The following DOCK1 variants were observed in gnomAD, a reference collection of about 807,000 sequenced individuals.
DOCK1 encodes the protein dedicator of cytokinesis protein 1.
In DOCK1, 138 loss-of-function variants were observed where a neutral mutation model predicts 262.7. That is an observed-to-expected ratio of 0.53 (90% confidence interval 0.46 to 0.61). The LOEUF is 0.61. Ranked by LOEUF, DOCK1 falls within the 20% of genes least tolerant of loss-of-function variation. The pLI, the probability that DOCK1 is intolerant of heterozygous loss-of-function variation, is 0.00. For missense variants in DOCK1, 1,908 were observed against 2,370.7 expected (o/e 0.80, Z 4.05); for synonymous variants, 866 against 867.4 (o/e 1.00, Z 0.03).
At chr10:127,355,632 C>G (rs933226573) in intron 32 of DOCK1, among the ~76,000 whole-genome samples, 22 of 152,370 alleles carry the variant, frequency 1.4e-4, no homozygotes, top group Non-Finnish European at 2.9e-5. Flanking sequence ...CCACTCTCCC[C>G]TCTACCTCAG....
At chr10:126,990,403 C>T (rs1308980290) in intron 5 of DOCK1, 52 bp from the exon 6 acceptor site, 2 of 1,540,568 alleles carry the variant, frequency 1.3e-6, no homozygotes, top group Middle Eastern at 1.7e-4. Flanking sequence ...CTACCATCTC[C>T]ACAATGCTGT....
intron 38 of DOCK1, among the ~76,000 whole-genome samples, chr10:127,395,363 G>A (rs7911147): frequency 0.25 from 37,864 of 151,964 alleles, 5,451 homozygotes; most frequent in Middle Eastern, 0.34. Flanking sequence ...GCTCTTCCGG[G>A]CCTCTGTTTT....
chr10:127,272,407 G>T (rs2060601004), intron 29 of DOCK1, among the ~76,000 whole-genome samples: 2 of 152,138 alleles, frequency 1.3e-5, no homozygotes, highest in South Asian at 4.1e-4. Context: ...CCATGTCATG[G>T]ACACACAGAG....
intron 32 of DOCK1, among the ~76,000 whole-genome samples, chr10:127,361,280 A>ATTTTTT (rs60174093): frequency 6.6e-6 from 1 of 151,408 alleles, no homozygotes; most frequent in African/African-American, 2.4e-5. Flanking sequence ...CGCCCAGCTG[A>ATTTTTT]TTTTTTTGTA....
chr10:127,222,306 C>T (rs957273727), intron 27 of DOCK1, among the ~76,000 whole-genome samples: 2 of 152,178 alleles, frequency 1.3e-5, no homozygotes, highest in African/African-American at 4.8e-5. Flanking sequence ...CCTACTAAAT[C>T]ACCTTTTCTT....
intron 27 of DOCK1, among the ~76,000 whole-genome samples, chr10:127,144,794 A>G (rs1331157353): frequency 6.6e-6 from 1 of 152,158 alleles, no homozygotes; most frequent in Non-Finnish European, 1.5e-5. Flanking sequence ...TTCCTTTACC[A>G]CTATTTTACA....
chr10:127,266,618 G>A (rs2060367785), intron 29 of DOCK1, among the ~76,000 whole-genome samples: 1 of 152,064 alleles, frequency 6.6e-6, no homozygotes, highest in African/African-American at 2.4e-5. Flanking sequence ...TGCCTCCTCT[G>A]GCATTAAGTG....
At chr10:127,122,833 T>C (rs1780112) in intron 25 of DOCK1, among the ~76,000 whole-genome samples, 124,829 of 151,980 alleles carry the variant, frequency 0.82, 51,968 homozygotes, top group East Asian at 0.94. Flanking sequence ...GATAGCATCC[T>C]CCAGCCAAAG....
intron 24 of DOCK1, among the ~76,000 whole-genome samples, chr10:127,108,086 T>G (rs544254828): frequency 6.6e-6 from 1 of 152,340 alleles, no homozygotes; most frequent in East Asian, 1.9e-4. Context: ...TGTGCATCCC[T>G]GTGTTCCTCC....
At chr10:127,374,906 T>C (rs1213939678) in intron 35 of DOCK1, among the ~76,000 whole-genome samples, 1 of 152,220 alleles carries the variant, frequency 6.6e-6, no homozygotes, top group Non-Finnish European at 1.5e-5. Context: ...CACACCTTGA[T>C]TTCAGATTCT....
intron 27 of DOCK1, among the ~76,000 whole-genome samples, chr10:127,141,045 T>A (rs2051192934): frequency 6.6e-6 from 1 of 152,164 alleles, no homozygotes; most frequent in Admixed American, 6.5e-5. Flanking sequence ...CTTTGTCCGG[T>A]GCTGCCAGCT....
chr10:127,128,563 C>T (rs1400363184), intron 27 of DOCK1, among the ~76,000 whole-genome samples: 1 of 151,968 alleles, frequency 6.6e-6, no homozygotes. Flanking sequence ...CCAGCAGGCC[C>T]CGGTGTGTGT....
chr10:126,946,819 A>G (rs2035447252), intron 1 of DOCK1, among the ~76,000 whole-genome samples: 1 of 152,160 alleles, frequency 6.6e-6, no homozygotes, highest in South Asian at 2.1e-4. Flanking sequence ...CTCTTGATGG[A>G]CACTTGTGAC....
In DOCK1 at chr10:127,024,786, A is replaced by C; in HGVS notation, c.1551+3A>C. On this transcript the variant is annotated splice_donor_region_variant and intron_variant, in intron 15 of 51. Coordinates refer to ENST00000623213, the MANE Select transcript of DOCK1 (RefSeq NM_001290223.2). ...CACGCTGGTTTGAGACTGTTAAGGTATTATTTACATGGTCATTTTATCACA... is the reference window on the plus strand; with the variant it reads ...CACGCTGGTTTGAGACTGTTAAGGTCTTATTTACATGGTCATTTTATCACA... The C allele has an allele frequency of 6.3e-7, 1 of 1,595,342 alleles. No individual in the cohort carries two copies. The highest frequency in any genetic ancestry group is 8.6e-7 in the Non-Finnish European group (1 of 1,168,518).
chr10:126,931,850 T>A (rs1445413664), intron 1 of DOCK1, among the ~76,000 whole-genome samples: 1 of 152,136 alleles, frequency 6.6e-6, no homozygotes, highest in Admixed American at 6.5e-5. Flanking sequence ...AAGTGCTTAA[T>A]CTTGTGCCTG....
chr10:127,403,278 C>T, intron 39 of DOCK1, 134 bp downstream of exon 39: 1 of 831,922 alleles, frequency 1.2e-6, no homozygotes, highest in African/African-American at 1.7e-5. Context: ...TCCGTTTTGC[C>T]TAGGAAGATG....
intron 27 of DOCK1, among the ~76,000 whole-genome samples, chr10:127,187,628 G>A (rs2056394451): frequency 6.6e-6 from 1 of 152,020 alleles, no homozygotes; most frequent in Non-Finnish European, 1.5e-5. Context: ...AGGTAAACAA[G>A]CATTTTTCCT....
At chr10:126,949,924 C>T (rs957045246) in intron 1 of DOCK1, among the ~76,000 whole-genome samples, 2 of 151,904 alleles carry the variant, frequency 1.3e-5, no homozygotes, top group Non-Finnish European at 2.9e-5. Context: ...TGTGGAGCCG[C>T]GTGTTATGCA....
chr10:126,994,889 G>T (rs894864323), intron 6 of DOCK1, among the ~76,000 whole-genome samples: 1 of 151,856 alleles, frequency 6.6e-6, no homozygotes, highest in Admixed American at 6.6e-5. Context: ...TTCCCAGACG[G>T]GGCGGCCGGG....
Sources: gnomAD v4.1 joint callset for allele counts (sites outside exome capture counted in the v4.1 genomes callset) on GRCh38, gnomAD v4.1.1 for gene constraint, MANE v1.5 for transcripts, NCBI Gene and HGNC (gene_info 2026-07-23, HGNC 2026-07-21) for gene names.